The following ACAD9 variants were observed in gnomAD, a reference collection of about 807,000 sequenced individuals.
ACAD9 encodes the protein acyl-CoA dehydrogenase family member 9.
A neutral mutation model predicts 70.2 loss-of-function variants in ACAD9; 53 were observed. That is an observed-to-expected ratio of 0.75 (90% confidence interval 0.61 to 0.95). The LOEUF is 0.95. ACAD9 is among the 40% of genes least tolerant of loss of function. ACAD9 has a pLI of 0.00. For missense variants in ACAD9, 777 were observed against 802.8 expected (o/e 0.97, Z 0.39); for synonymous variants, 313 against 312.1 (o/e 1.00, Z -0.03).
At chr3:128,899,545 TG>T in intron 7 of ACAD9, 84 bp downstream of exon 7, 1 of 1,426,600 alleles carries the variant, frequency 7.0e-7, no homozygotes, top group African/African-American at 1.4e-5. Flanking sequence ...TGTGTGTGTG[TG>T]TGTGTGTGTG....
chr3:128,909,470 C>G (rs1936044929), intron 15 of ACAD9, 49 bp downstream of exon 15: 4 of 1,577,270 alleles, frequency 2.5e-6, no homozygotes, highest in Non-Finnish European at 3.5e-6. Context: ...TCCAATTTGG[C>G]CAGCATTCAT....
In ACAD9 at chr3:128,889,180, C is replaced by T. The variant is rs867638209; in HGVS notation, c.245-4375C>T. Among the ~76,000 whole-genome samples the T allele has an allele frequency of 2.1e-5, 3 of 144,304 alleles. No homozygotes were observed. In the South Asian group the frequency reaches 6.5e-4, roughly 31 times the overall value. 94.7% of individuals were successfully genotyped at this position (144,304 alleles called of 152,430 possible). ...TTTGTTTTCCTTAAAAAAAAAAAAA[C>T]AAAAAATATTTAACAGTGAGATGGG... On this transcript the variant is annotated intron_variant, in intron 2 of 17. Coordinates refer to ENST00000308982, the MANE Select transcript of ACAD9 (RefSeq NM_014049.5).
intron 5 of ACAD9, 123 bp downstream of exon 5, chr3:128,896,659 A>C (rs2107651499): frequency 1.1e-6 from 1 of 937,638 alleles, no homozygotes; most frequent in South Asian, 1.4e-5. Context: ...TCTTGCAAAG[A>C]ATCAACTCAG....
chr3:128,888,350 G>A (rs1935314476), intron 2 of ACAD9, among the ~76,000 whole-genome samples: 2 of 152,108 alleles, frequency 1.3e-5, no homozygotes, highest in Admixed American at 1.3e-4. Flanking sequence ...AGGCCGACGT[G>A]GGTGGATCAC....
chr3:128,892,796 G>T (rs1935459852), intron 2 of ACAD9, among the ~76,000 whole-genome samples: 1 of 152,230 alleles, frequency 6.6e-6, no homozygotes, highest in South Asian at 2.1e-4. Context: ...ATACTGCCAT[G>T]AGGTGGCTAT....
chr3:128,899,010 C>T (rs1576340365), intron 6 of ACAD9, among the ~76,000 whole-genome samples: 2 of 152,174 alleles, frequency 1.3e-5, no homozygotes, highest in Admixed American at 6.5e-5. Flanking sequence ...AGTTGTCTGG[C>T]GGTGGAGCCT....
intron 1 of ACAD9, among the ~76,000 whole-genome samples, chr3:128,881,044 C>G (rs539100614): frequency 6.6e-6 from 1 of 152,262 alleles, no homozygotes; most frequent in South Asian, 2.1e-4. Flanking sequence ...GAAGTTATTC[C>G]CTGGCTTCTC....
At chr3:128,910,459 G>A in intron 16 of ACAD9, 1 of 938,506 alleles carries the variant, frequency 1.1e-6, no homozygotes, top group Admixed American at 2.5e-5. Flanking sequence ...AGGACCCACT[G>A]TATACCAGGA....
At chr3:128,907,811 G>T (rs1935937369) in intron 12 of ACAD9, among the ~76,000 whole-genome samples, 1 of 152,332 alleles carries the variant, frequency 6.6e-6, no homozygotes, top group South Asian at 2.1e-4. Context: ...GAGGAATCTG[G>T]CCTCCACCTG....
At chr3:128,892,325 C>G (rs548486443) in intron 2 of ACAD9, among the ~76,000 whole-genome samples, 1 of 152,282 alleles carries the variant, frequency 6.6e-6, no homozygotes, top group Admixed American at 6.5e-5. Flanking sequence ...AGGGTTTGGC[C>G]TGCACTTTTG....
At chr3:128,909,697 T>G in intron 15 of ACAD9, 1 of 600,038 alleles carries the variant, frequency 1.7e-6, no homozygotes, top group Non-Finnish European at 2.9e-6. Context: ...CAGCTCCACC[T>G]GGGGCCTGAA....
Position 128,904,083 on chromosome 3 carries a change from G to T in ACAD9, c.980G>T (p.Cys327Phe). The change falls in exon 10 of 18, where the codon TGC (cysteine) becomes TTC (phenylalanine). Residue 327 changes from cysteine to phenylalanine, a missense_variant. Coordinates refer to ENST00000308982, the MANE Select transcript of ACAD9 (RefSeq NM_014049.5). Reference protein sequence around the residue: ...RLIEMTAEYACTRKQFNKRLS... With the variant: ...RLIEMTAEYAFTRKQFNKRLS... ...TCAGAAATGACTGCTGAGTACGCCT[G>T]CACAAGGAAACAGTTTAACAAGAGG... 6.2e-7 allele frequency: 1 copy of T among 1,614,222 alleles called. No homozygotes were observed. The highest frequency in any genetic ancestry group is 8.5e-7 in the Non-Finnish European group (1 of 1,180,036).
Position 128,896,525 on chromosome 3 carries a change from G to A in ACAD9, c.543G>A (p.Thr181=). Residue 181 remains threonine (T), a synonymous_variant, in exon 5 of 18, where the codon ACG becomes ACA. Coordinates refer to ENST00000308982, the MANE Select transcript of ACAD9 (RefSeq NM_014049.5). The stretch of plus-strand genomic sequence containing the variant: ...AGCACATTGCAGCCTTCTGCCTCAC[G>A]GAGCCAGCCAGGTCTGTCTCTGCAC... The part of the protein sequence containing the change: ...SGEHIAAFCL[T]EPASGSDAAS... 6.2e-6 allele frequency: 10 copies of A among 1,614,072 alleles called. No homozygotes were observed. The highest frequency in any genetic ancestry group is 2.2e-5 in the East Asian group (1 of 44,876).
chr3:128,905,164 A>G (rs758241228), intron 11 of ACAD9, among the ~76,000 whole-genome samples: 9 of 152,052 alleles, frequency 5.9e-5, no homozygotes, highest in Non-Finnish European at 8.8e-5. Flanking sequence ...AAAACAAAAA[A>G]CAAAAAACAT....
intron 2 of ACAD9, among the ~76,000 whole-genome samples, chr3:128,890,843 A>ATTT (rs552712853): frequency 5.6e-5 from 8 of 143,520 alleles, no homozygotes; most frequent in African/African-American, 1.8e-4. Context: ...TTTTAGAGCA[A>ATTT]TTTTTTTTTT....
chr3:128,883,073 GTT>G (rs58094285), intron 1 of ACAD9, among the ~76,000 whole-genome samples: 1,439 of 139,102 alleles, frequency 0.01, 18 homozygotes, highest in African/African-American at 0.036. Context: ...CCATCAGCTT[GTT>G]TTTTTTTTTT....
chr3:128,904,649 A>C, intron 11 of ACAD9, 144 bp downstream of exon 11: 1 of 1,379,136 alleles, frequency 7.3e-7, no homozygotes, highest in Non-Finnish European at 9.8e-7. Flanking sequence ...CCTGTGTAGC[A>C]CTCCAGGGAT....
intron 2 of ACAD9, among the ~76,000 whole-genome samples, chr3:128,887,640 AAT>A (rs1427819425): frequency 2.3e-5 from 2 of 85,176 alleles, no homozygotes; most frequent in African/African-American, 2.0e-4. Flanking sequence ...TAAAAAAATA[AAT>A]AAATATATAT....
chr3:128,908,388 T>C, intron 13 of ACAD9, 124 bp downstream of exon 13: 3 of 1,192,442 alleles, frequency 2.5e-6, no homozygotes, highest in South Asian at 1.2e-5. Flanking sequence ...TGGCGCAGCC[T>C]TGTGGAGGGG....
Sources: gnomAD v4.1 joint callset for allele counts (sites outside exome capture counted in the v4.1 genomes callset) on GRCh38, gnomAD v4.1.1 for gene constraint, MANE v1.5 for transcripts, NCBI Gene and HGNC (gene_info 2026-07-23, HGNC 2026-07-21) for gene names.